MTPAP: variants seen among roughly 807,000 people sequenced by gnomAD.
MTPAP encodes mitochondrial poly(A) polymerase.
MTPAP carries 23 observed loss-of-function variants against 48.7 expected under a neutral mutation model. The observed-to-expected ratio is 0.47, with a 90% CI of 0.34 to 0.67. The LOEUF (loss-of-function observed/expected upper bound fraction) is 0.67. MTPAP is among the 30% of genes least tolerant of loss of function. The pLI, the probability that MTPAP is intolerant of heterozygous loss-of-function variation, is 0.01. For synonymous variants in MTPAP, 257 were observed against 254.1 expected, an observed-to-expected ratio of 1.01 and a Z score of -0.11; for missense variants, 614 against 694.3, an observed-to-expected ratio of 0.88 and a Z score of 1.30.
At chr10:30,320,707 G>T (rs1392219668) in intron 6 of MTPAP, among the ~76,000 whole-genome samples, 2 of 152,152 alleles carry the variant, frequency 1.3e-5, no homozygotes, top group African/African-American at 4.8e-5. Flanking sequence ...GACAACATAA[G>T]CCTTCCCAGG....
In MTPAP at chr10:30,340,786, G is replaced by A. The variant is rs954745043; in HGVS notation, c.331-336C>T. On this transcript the variant is annotated intron_variant, in intron 2 of 8. Transcript: ENST00000263063. ...ATACAAAAATTAGCCAGGCGTGGTG[G>A]CAGGTGTCTGTAAGTCCAGCTACTT... 1.4e-4 allele frequency among the ~76,000 whole-genome samples: 22 copies of A among 152,180 alleles called. No individual in the cohort carries two copies. In the East Asian group the frequency reaches 2.5e-3, roughly 17 times the overall value.
chr10:30,318,009 C>G (rs1197482692), intron 6 of MTPAP, among the ~76,000 whole-genome samples: 1 of 152,120 alleles, frequency 6.6e-6, no homozygotes, highest in African/African-American at 2.4e-5. Flanking sequence ...AGGCGAACAC[C>G]ACCACACCCG....
At chr10:30,314,435 AC>A (rs1439134853) in intron 8 of MTPAP, among the ~76,000 whole-genome samples, 3 of 152,050 alleles carry the variant, frequency 2.0e-5, no homozygotes, top group African/African-American at 7.2e-5. Context: ...CAAAATTAGA[AC>A]CCTTAAATTA....
At chr10:30,319,465 A>C (rs928817195) in intron 6 of MTPAP, among the ~76,000 whole-genome samples, 2 of 152,244 alleles carry the variant, frequency 1.3e-5, no homozygotes, top group African/African-American at 2.4e-5. Flanking sequence ...CACAAGATTC[A>C]GGTCACTTAC....
intron 6 of MTPAP, among the ~76,000 whole-genome samples, chr10:30,322,167 A>G (rs749731028): frequency 6.6e-6 from 1 of 152,196 alleles, no homozygotes; most frequent in Non-Finnish European, 1.5e-5. Flanking sequence ...CAACTGCTGT[A>G]AACAACCTTG....
rs1024710375 is a variant in MTPAP at position 30,311,352 on chromosome 10, T to G, written c.*2257A>C. The G allele has an allele frequency of 6.6e-6, 1 of 152,148 alleles. No individual in the cohort carries two copies. The highest frequency in any genetic ancestry group is 1.9e-4 in the East Asian group (1 of 5,202). The allele number at this position is 152,148 out of a possible 1,614,324, so 9.4% of individuals were successfully genotyped here. On this transcript the variant is annotated 3_prime_UTR_variant, in exon 9 of 9. Coordinates refer to ENST00000263063, the MANE Select transcript of MTPAP (RefSeq NM_018109.4). ...ATGCTGAGTTTCTTAAAATATCCCA[T>G]GCAGAACCCATTATAATTTCTGACA...
intron 8 of MTPAP, among the ~76,000 whole-genome samples, chr10:30,314,871 C>CA (rs1428659923): frequency 1.9e-5 from 1 of 52,886 alleles, no homozygotes; most frequent in South Asian, 8.2e-4. Flanking sequence ...GACTCTGTCT[C>CA]AAAAAACAAA....
At chr10:30,316,589 A>G (rs1268747102) in intron 6 of MTPAP, among the ~76,000 whole-genome samples, 1 of 151,384 alleles carries the variant, frequency 6.6e-6, no homozygotes, top group African/African-American at 2.4e-5. Flanking sequence ...ATACAAATCT[A>G]TGATTTAAAT....
rs369594004 is a variant in MTPAP at position 30,341,537 on chromosome 10, A to G, written c.261T>C (p.Ser87=). Residue 87 remains serine, a synonymous_variant, in exon 2 of 9, where the codon AGT becomes AGC. Coordinates refer to ENST00000263063, the MANE Select transcript of MTPAP (RefSeq NM_018109.4). The part of the protein sequence containing the change: ...TVLIHCPEKI[S]ENKFLKYLSQ... ...ATAAATATTTAAGAAACTTGTTTTC[A>G]CTGATTTTCTCTGGGCAATGTATTA... The G allele has an allele frequency of 1.6e-4, 262 of 1,613,928 alleles. 1 individual carries two copies. Among genetic ancestry groups the G allele is most frequent in the Non-Finnish European group, 1.9e-4 (220 of 1,179,952 alleles).
rs1840630374 is a variant in MTPAP at position 30,313,849 on chromosome 10, T to A, written c.1509A>T (p.Arg503=). ...CCTGTTGTAAAATCCAGGCACTTTCTCGGGCCAAATCTACAAATTTTTGCA... is the reference window on the plus strand; with the variant it reads ...CCTGTTGTAAAATCCAGGCACTTTCACGGGCCAAATCTACAAATTTTTGCA... ...SQLQKFVDLA[R]ESAWILQQED... is the part of the protein sequence containing the mutation. Residue 503 remains arginine, a synonymous_variant, in exon 9 of 9, where the codon CGA becomes CGT. Coordinates refer to ENST00000263063, the MANE Select transcript of MTPAP (RefSeq NM_018109.4). 6.2e-7 allele frequency: 1 copy of A among 1,614,102 alleles called. No homozygotes were observed. Among genetic ancestry groups the A allele is most frequent in the African/African-American group, 1.3e-5 (1 of 74,930 alleles).
intron 8 of MTPAP, among the ~76,000 whole-genome samples, chr10:30,314,884 C>CAAAAAAAAAAAAAAAAAAAGAAAAA (rs1840641517): frequency 9.0e-6 from 1 of 110,746 alleles, no homozygotes. Flanking sequence ...AAAACAAAAA[C>CAAAAAAAAAAAAAAAAAAAGAAAAA]AAAAAAAAAA....
Position 30,322,409 on chromosome 10 carries a change from A to C in MTPAP, c.1201T>G (p.Ser401Ala). The C allele has an allele frequency of 6.2e-7, 1 of 1,609,134 alleles. No homozygotes were observed. The highest frequency in any genetic ancestry group is 1.1e-5 in the South Asian group (1 of 90,994). ...RSPPILPTLD[S>A]LKTLADAEDK... ...GTCTTACCTGCTAGGGTTTTTAAGG[A>C]ATCTAGTGTTGGAAGAATAGGGGGT... Residue 401 changes from serine (S) to alanine (A), a missense_variant, in exon 6 of 9, where the codon TCC becomes GCC. By Grantham distance (99) the Ser-to-Ala change is moderately conservative. Transcript: ENST00000263063.
At chr10:30,327,512 A>G (rs1834612152) in intron 4 of MTPAP, among the ~76,000 whole-genome samples, 2 of 108,634 alleles carry the variant, frequency 1.8e-5, no homozygotes. Context: ...ATAAATAAAT[A>G]AATAAATAAA....
In MTPAP at chr10:30,326,792, C is replaced by T. The variant is rs559081228; in HGVS notation, c.781-157G>A. 7.9e-5 allele frequency among the ~76,000 whole-genome samples: 12 copies of T among 152,210 alleles called. No homozygotes were observed. In the South Asian group the frequency reaches 2.5e-3, roughly 32 times the overall value. On this transcript the variant is annotated intron_variant, in intron 4 of 8. Transcript: ENST00000263063. ...TAAAAACTCTTCAAGAAATCACAGC[C>T]AAAAGCAAACTTAAAAGATCCCCAG...
chr10:30,330,642 T>C (rs1384536744), intron 4 of MTPAP, among the ~76,000 whole-genome samples: 1 of 152,266 alleles, frequency 6.6e-6, no homozygotes, highest in African/African-American at 2.4e-5. Context: ...AGGAGTGTGG[T>C]AGTTATTGAA....
intron 4 of MTPAP, among the ~76,000 whole-genome samples, chr10:30,331,907 CCCTATCGTGCATGGGATAT>C (rs1564521709): frequency 6.6e-6 from 1 of 152,318 alleles, no homozygotes; most frequent in South Asian, 2.1e-4. Flanking sequence ...TAATTTTAGT[CCCTATCGTGCATGGGATAT>C]CATACATAGT....
At chr10:30,344,576 C>T (rs920974285) in intron 1 of MTPAP, among the ~76,000 whole-genome samples, 1 of 152,206 alleles carries the variant, frequency 6.6e-6, no homozygotes, top group Non-Finnish European at 1.5e-5. Flanking sequence ...TCTTATGCTA[C>T]AGGCTCTGCC....
intron 1 of MTPAP, among the ~76,000 whole-genome samples, chr10:30,347,150 T>A (rs1369873369): frequency 3.3e-5 from 5 of 152,232 alleles, no homozygotes; most frequent in Non-Finnish European, 7.3e-5. Context: ...ACTCTTATTG[T>A]CTTTCTACTA....
chr10:30,320,993 A>C (rs1431232434), intron 6 of MTPAP, among the ~76,000 whole-genome samples: 2 of 152,144 alleles, frequency 1.3e-5, no homozygotes, highest in Admixed American at 1.3e-4. Flanking sequence ...ATCTGCCCAT[A>C]TCTTATGTAT....
Sources: allele counts gnomAD v4.1 joint callset (sites outside exome capture counted in the v4.1 genomes callset), GRCh38; gene constraint gnomAD v4.1.1; transcripts MANE v1.5; gene names NCBI Gene and HGNC (gene_info 2026-07-23, HGNC 2026-07-21).